The following CYP7B1 variants were observed in gnomAD, a reference collection of about 807,000 sequenced individuals.
The protein encoded by CYP7B1 is cytochrome P450 family 7 subfamily B member 1, also known as cytochrome P450 7B1.
Under a neutral mutation model 42.7 loss-of-function variants are expected in CYP7B1, and 29 were observed. The observed-to-expected ratio is 0.68, with a 90% confidence interval of 0.51 to 0.93. CYP7B1 has a LOEUF of 0.93. CYP7B1 is among the 40% of genes least tolerant of loss of function. The probability of loss-of-function intolerance (pLI) is 0.00; values close to 1 mark genes in which losing one functional copy is unlikely to be tolerated. For synonymous variants in CYP7B1, 235 were observed against 218.2 expected (o/e 1.08, Z -0.68); for missense variants, 655 against 600.5 (o/e 1.09, Z -0.95).
At position 64,624,519 on chromosome 8, in the gene CYP7B1, A is replaced by T. The variant is rs190031698; in HGVS notation, c.143T>A (p.Leu48Ter). Residue 48 changes from leucine to a stop codon, truncating the protein, a stop_gained, in exon 2 of 6, where the codon TTG becomes TAG. Transcript: ENST00000310193. LOFTEE classifies it high-confidence loss of function. ...AAGATAAGGAAGCCAACCTTTTATCAATGGAGGCTCACCGGGTCTCCTACA... is the reference window on the plus strand; with the variant it reads ...AAGATAAGGAAGCCAACCTTTTATCTATGGAGGCTCACCGGGTCTCCTACA... ...RRTRRPGEPP[L>*]IKGWLPYLGV... The T allele has an allele frequency of 6.2e-7, 1 of 1,613,846 alleles. No individual in the cohort carries two copies. Among genetic ancestry groups the T allele is most frequent in the East Asian group, 2.2e-5 (1 of 44,854 alleles).
chr8:64,630,079 G>A (rs1805667321), intron 1 of CYP7B1, among the ~76,000 whole-genome samples: 1 of 152,184 alleles, frequency 6.6e-6, no homozygotes, highest in African/African-American at 2.4e-5. Flanking sequence ...ATCTGAGAAG[G>A]CACCCTGGGG....
chr8:64,652,097 C>T (rs1260411423), intron 1 of CYP7B1, among the ~76,000 whole-genome samples: 1 of 152,158 alleles, frequency 6.6e-6, no homozygotes, highest in African/African-American at 2.4e-5. Flanking sequence ...TAATGGCTTA[C>T]AAACATTCTA....
intron 1 of CYP7B1, among the ~76,000 whole-genome samples, chr8:64,687,296 A>T (rs1806669057): frequency 6.6e-6 from 1 of 152,226 alleles, no homozygotes; most frequent in Non-Finnish European, 1.5e-5. Context: ...ACTTGAAAAC[A>T]TTATGCTAAA....
chr8:64,600,903 C>G (rs1805192766), intron 5 of CYP7B1, among the ~76,000 whole-genome samples: 1 of 152,172 alleles, frequency 6.6e-6, no homozygotes, highest in Admixed American at 6.5e-5. Context: ...GGCTGAGTCC[C>G]TATACTGCAA....
At chr8:64,638,197 T>G (rs528150073) in intron 1 of CYP7B1, among the ~76,000 whole-genome samples, 1 of 152,112 alleles carries the variant, frequency 6.6e-6, no homozygotes, top group Non-Finnish European at 1.5e-5. Context: ...TTTAAAGTTA[T>G]GCTTTCTCTT....
chr8:64,785,668 G>A (rs539742881), intron 1 of CYP7B1, among the ~76,000 whole-genome samples: 9 of 151,568 alleles, frequency 5.9e-5, no homozygotes, highest in East Asian at 3.9e-4. Flanking sequence ...CTAGGGAGAC[G>A]GTAAAAAAAA....
intron 1 of CYP7B1, among the ~76,000 whole-genome samples, chr8:64,636,096 G>A (rs190860798): frequency 1.3e-5 from 2 of 152,270 alleles, no homozygotes; most frequent in African/African-American, 2.4e-5. Context: ...CCCCACAAAC[G>A]ATGAATGACC....
chr8:64,587,042 T>C (rs1476101260), downstream of CYP7B1, among the ~76,000 whole-genome samples: 2 of 152,336 alleles, frequency 1.3e-5, no homozygotes, highest in East Asian at 1.9e-4. Context: ...GCTCTTCTGA[T>C]CGACTGGTGT....
downstream of CYP7B1, among the ~76,000 whole-genome samples, chr8:64,590,559 T>A (rs1428392403): frequency 3.3e-5 from 5 of 152,218 alleles, no homozygotes; most frequent in African/African-American, 1.2e-4. Flanking sequence ...AATTGTAACC[T>A]AGCAAGGTCA....
chr8:64,666,822 A>G (rs1806287395), intron 1 of CYP7B1, among the ~76,000 whole-genome samples: 1 of 152,352 alleles, frequency 6.6e-6, no homozygotes, highest in Admixed American at 6.5e-5. Context: ...CCCAAACAAC[A>G]AATGCTGCTG....
downstream of CYP7B1, chr8:64,589,900 T>C (rs1805012538): frequency 6.6e-6 from 1 of 152,198 alleles, no homozygotes; most frequent in South Asian, 2.1e-4. Context: ...ACTTTTTGTG[T>C]AGTCTGTGAT....
chr8:64,783,542 T>C (rs1268021412), intron 1 of CYP7B1, among the ~76,000 whole-genome samples: 1 of 83,770 alleles, frequency 1.2e-5, no homozygotes, highest in African/African-American at 5.7e-5. Context: ...TCCATACTAC[T>C]TTTTTTTTTT....
rs528100597 is a variant in CYP7B1 at position 64,687,869 on chromosome 8, C to T, written c.123-63330G>A. Among the ~76,000 whole-genome samples the T allele has an allele frequency of 2.6e-5, 4 of 152,258 alleles. No individual in the cohort carries two copies. In the South Asian group the frequency reaches 8.3e-4, roughly 32 times the overall value. ...AAAGCCTCGCTCGTTACTTATAGGTCTTTTCTCTAGATATTATATTTCTCA... is the reference window on the plus strand; with the variant it reads ...AAAGCCTCGCTCGTTACTTATAGGTTTTTTCTCTAGATATTATATTTCTCA... On this transcript the variant is annotated intron_variant, in intron 1 of 5. Coordinates refer to ENST00000310193, the MANE Select transcript of CYP7B1 (RefSeq NM_004820.5).
intron 1 of CYP7B1, among the ~76,000 whole-genome samples, chr8:64,640,756 C>G (rs1805840584): frequency 6.6e-6 from 1 of 152,146 alleles, no homozygotes; most frequent in Admixed American, 6.5e-5. Context: ...TCCTAACTCA[C>G]AATCCAATGA....
intron 1 of CYP7B1, among the ~76,000 whole-genome samples, chr8:64,645,058 A>G (rs1241049463): frequency 3.3e-5 from 5 of 151,424 alleles, no homozygotes; most frequent in Admixed American, 2.0e-4. Context: ...ATGATTTCCA[A>G]TTTCATCCAT....
At chr8:64,764,362 T>C (rs939932541) in intron 1 of CYP7B1, among the ~76,000 whole-genome samples, 1 of 151,044 alleles carries the variant, frequency 6.6e-6, no homozygotes, top group African/African-American at 2.4e-5. Context: ...TAGATCAGGA[T>C]AAAAGTGAAT....
chr8:64,735,803 C>G (rs985355990), intron 1 of CYP7B1, among the ~76,000 whole-genome samples: 2 of 152,052 alleles, frequency 1.3e-5, no homozygotes, highest in African/African-American at 4.8e-5. Context: ...CCTGGGAAAA[C>G]TGGAAAAGGG....
intron 1 of CYP7B1, among the ~76,000 whole-genome samples, chr8:64,725,459 A>G (rs952233636): frequency 1.3e-5 from 2 of 152,222 alleles, no homozygotes; most frequent in Non-Finnish European, 2.9e-5. Flanking sequence ...ATGCATTTAA[A>G]ACACCTAGAA....
intron 1 of CYP7B1, among the ~76,000 whole-genome samples, chr8:64,647,209 A>G (rs1805967417): frequency 6.6e-6 from 1 of 152,156 alleles, no homozygotes; most frequent in South Asian, 2.1e-4. Flanking sequence ...TTACCGATTA[A>G]GCTCACTATC....
Sources: gnomAD v4.1 joint callset for allele counts (sites outside exome capture counted in the v4.1 genomes callset) on GRCh38, gnomAD v4.1.1 for gene constraint, MANE v1.5 for transcripts, NCBI Gene and HGNC (gene_info 2026-07-23, HGNC 2026-07-21) for gene names.